The following DHX32 variants were observed in gnomAD, a reference collection of about 807,000 sequenced individuals.
The protein encoded by DHX32 is putative pre-mRNA-splicing factor ATP-dependent RNA helicase DHX32.
DHX32 carries 51 observed loss-of-function variants against 70.0 expected under a neutral mutation model. The observed-to-expected ratio is 0.73, with a 90% CI of 0.58 to 0.92. The LOEUF is 0.92. Among genes scored for constraint, DHX32 ranks in the 40% least tolerant of loss-of-function variants. The probability of loss-of-function intolerance (pLI) is 0.00; values close to 1 mark genes in which losing one functional copy is unlikely to be tolerated. For synonymous variants in DHX32, 310 were observed against 315.3 expected (o/e 0.98, Z 0.18); for missense variants, 762 against 891.8 (o/e 0.85, Z 1.85).
In DHX32 at chr10:125,852,390, T is replaced by C. The variant is rs944158768; in HGVS notation, c.1254A>G (p.Pro418=). 3 of 1,614,112 alleles carry C rather than the reference T, an allele frequency of 1.9e-6. No individual in the cohort carries two copies. Among genetic ancestry groups the C allele is most frequent in the African/African-American group, 1.3e-5 (1 of 74,920 alleles). Residue 418 remains proline, a synonymous_variant, in exon 6 of 11, where the codon CCA becomes CCG. Transcript: ENST00000284690. ...TTAGGTTGGCTTCCTGCATTTCTGC[T>C]GGCTTCAGTGGCGTCATGTCTTTGG... is the stretch of plus-strand genomic sequence containing the variant. The part of the protein sequence containing the change: ...FASKDMTPLK[P]AEMQEANLTS...
chr10:125,857,211 A>G (rs1944154187), intron 3 of DHX32, among the ~76,000 whole-genome samples: 1 of 152,234 alleles, frequency 6.6e-6, no homozygotes, highest in Non-Finnish European at 1.5e-5. Context: ...AAAAATAGTA[A>G]AAAAGAAAAG....
At chr10:125,841,342 C>A (rs753042771) in intron 7 of DHX32, 9 of 1,613,882 alleles carry the variant, frequency 5.6e-6, no homozygotes, top group Admixed American at 3.3e-5. Context: ...TTGGTCTGTT[C>A]CCCCAGTATT....
At chr10:125,879,050 G>T (rs1181077662) in intron 1 of DHX32, among the ~76,000 whole-genome samples, 1 of 125,300 alleles carries the variant, frequency 8.0e-6, no homozygotes, top group African/African-American at 3.1e-5. Flanking sequence ...TTGAGACGGG[G>T]TCTTGCTCTG....
In DHX32 at chr10:125,838,998, C is replaced by G; in HGVS notation, c.1881+3G>C. On this transcript the variant is annotated splice_donor_region_variant and intron_variant, in intron 9 of 10. Coordinates refer to ENST00000284690, the MANE Select transcript of DHX32 (RefSeq NM_018180.3). Reference sequence around the variant, plus strand: ...ATGCTGAGGTGACCCCACCCCTTCTCACCTGCATAAAGTAACCGGACAGAA... The same window carrying G: ...ATGCTGAGGTGACCCCACCCCTTCTGACCTGCATAAAGTAACCGGACAGAA... 6.2e-7 allele frequency: 1 copy of G among 1,613,188 alleles called. No homozygotes were observed. Among genetic ancestry groups the G allele is most frequent in the Non-Finnish European group, 8.5e-7 (1 of 1,179,426 alleles).
At chr10:125,853,212 C>A (rs754281648) in intron 4 of DHX32, 5 of 1,611,724 alleles carry the variant, frequency 3.1e-6, no homozygotes, top group East Asian at 2.2e-5. Context: ...TTCCAGGGAA[C>A]CTTCATGACT....
chr10:125,852,356 C>G lies in DHX32; in HGVS notation c.1288G>C (p.Val430Leu), dbSNP rs17153669. The stretch of plus-strand genomic sequence containing the variant: ...ATGTCTATCCTCTTCATAAAAAGCA[C>G]CATGCTTGTTAGGTTGGCTTCCTGC... ...EMQEANLTSMVLFMKRIDIAG... is the reference protein window; with the variant it reads ...EMQEANLTSMLLFMKRIDIAG... Residue 430 changes from valine to leucine, a missense_variant, in exon 6 of 11, where the codon GTG (valine) becomes CTG (leucine). Physicochemically the swap from Val to Leu is conservative, Grantham distance 32. Transcript: ENST00000284690. 1.5e-4 allele frequency: 239 copies of G among 1,614,078 alleles called. No homozygotes were observed. The highest frequency in any genetic ancestry group is 2.0e-4 in the Non-Finnish European group (234 of 1,180,040).
intron 6 of DHX32, among the ~76,000 whole-genome samples, chr10:125,846,687 T>G (rs1944025267): frequency 6.6e-6 from 1 of 152,226 alleles, no homozygotes; most frequent in Non-Finnish European, 1.5e-5. Context: ...TTCACTTCCA[T>G]ACTTATAGGA....
chr10:125,838,470 A>G (rs945471958), intron 9 of DHX32, 83 bp from the exon 10 acceptor site: 38 of 1,273,096 alleles, frequency 3.0e-5, no homozygotes, highest in Non-Finnish European at 3.9e-5. Flanking sequence ...AAAAAATACC[A>G]AAGTATTTTA....
chr10:125,888,334 G>A (rs1202844752), intron 1 of DHX32, among the ~76,000 whole-genome samples: 2 of 151,920 alleles, frequency 1.3e-5, no homozygotes, highest in African/African-American at 2.4e-5. Context: ...CTCTCGAGTA[G>A]TGGGACTATA....
intron 2 of DHX32, among the ~76,000 whole-genome samples, chr10:125,861,912 T>G (rs1203451323): frequency 6.6e-6 from 1 of 151,574 alleles, no homozygotes; most frequent in Non-Finnish European, 1.5e-5. Context: ...CAGTCCTCAA[T>G]TAACCTCTTT....
chr10:125,841,897 A>ATT lies in DHX32; in HGVS notation c.1388_1389insAA (p.Asp463GlufsTer34). ...CATCATTATCCAGTGCTGCCAGATA[A>ATT]TCTAAGTCTTCCAATGCCTGCATCA... On this transcript the variant is annotated frameshift_variant, in exon 7 of 11. Transcript: ENST00000284690. LOFTEE classifies it high-confidence loss of function. 1 of 1,606,622 alleles carries ATT rather than the reference A, an allele frequency of 6.2e-7. No homozygotes were observed. The highest frequency in any genetic ancestry group is 8.5e-7 in the Non-Finnish European group (1 of 1,178,248).
chr10:125,848,100 C>T (rs1397890813), intron 6 of DHX32, among the ~76,000 whole-genome samples: 2 of 152,092 alleles, frequency 1.3e-5, no homozygotes, highest in South Asian at 2.1e-4. Flanking sequence ...GCAAATGAAG[C>T]TTCTGTTTCT....
At position 125,874,261 on chromosome 10, in the gene DHX32, C is replaced by A. The variant is rs150494434; in HGVS notation, c.282+6282G>T. Among the ~76,000 whole-genome samples, 58 of 152,276 alleles carry A rather than the reference C, an allele frequency of 3.8e-4. No individual in the cohort carries two copies. The East Asian group carries it at 8.1e-3, about 21-fold the overall frequency. On this transcript the variant is annotated intron_variant, in intron 1 of 10. Transcript: ENST00000284690. ...TCGCAAACTCTTAAAACAACAACAA[C>A]AAAAACCAAGTTGTTTCCAAAAGAA...
chr10:125,886,332 T>A (rs1944340969), intron 1 of DHX32, among the ~76,000 whole-genome samples: 1 of 152,226 alleles, frequency 6.6e-6, no homozygotes, highest in African/African-American at 2.4e-5. Flanking sequence ...AACTGCTTCA[T>A]TTTTTCTCCT....
In DHX32 at chr10:125,880,938, C is replaced by T; in HGVS notation, c.-114G>A. The T allele has an allele frequency of 3.2e-6, 4 of 1,262,128 alleles. No homozygotes were observed. Among genetic ancestry groups the T allele is most frequent in the Non-Finnish European group, 4.4e-6 (4 of 914,786 alleles). The allele number at this position is 1,262,128 out of a possible 1,614,324, so 78.2% of individuals were successfully genotyped here. ...TTTATACAAACCCGTATGTTCCAAT[C>T]TCTAAGACTTCAGTTCAAGGTTTTA... On this transcript the variant is annotated 5_prime_UTR_variant, in exon 1 of 11. Coordinates refer to ENST00000284690, the MANE Select transcript of DHX32 (RefSeq NM_018180.3).
chr10:125,869,808 C>T (rs1395833531), intron 1 of DHX32, among the ~76,000 whole-genome samples: 5 of 151,828 alleles, frequency 3.3e-5, no homozygotes, highest in African/African-American at 4.8e-5. Flanking sequence ...TTCCCAATAC[C>T]GAACAGAGGA....
intron 1 of DHX32, among the ~76,000 whole-genome samples, chr10:125,890,964 T>A (rs5001625): frequency 1.3e-5 from 2 of 152,140 alleles, no homozygotes; most frequent in African/African-American, 4.8e-5. Context: ...ACATATTTTT[T>A]AATGTATATA....
At chr10:125,852,890 TCTG>T (rs1420223386) in intron 4 of DHX32, among the ~76,000 whole-genome samples, 1 of 152,242 alleles carries the variant, frequency 6.6e-6, no homozygotes, top group Non-Finnish European at 1.5e-5. Flanking sequence ...CTTTGTGTCA[TCTG>T]CTGAAATACT....
chr10:125,837,587 C>T (rs1465721421), intron 10 of DHX32, among the ~76,000 whole-genome samples: 9 of 152,096 alleles, frequency 5.9e-5, no homozygotes, highest in Non-Finnish European at 8.8e-5. Flanking sequence ...CCACCACACC[C>T]GGCTAATTTT....
Sources: allele counts gnomAD v4.1 joint callset (sites outside exome capture counted in the v4.1 genomes callset), GRCh38; gene constraint gnomAD v4.1.1; transcripts MANE v1.5; gene names NCBI Gene and HGNC (gene_info 2026-07-23, HGNC 2026-07-21).